Variants in NIPAL3 observed in about 807,000 individuals in gnomAD.
NIPAL3 encodes NIPA-like protein 3.
NIPAL3 carries 41 observed loss-of-function variants against 47.2 expected under a neutral mutation model. The observed-to-expected ratio is 0.87, with a 90% CI of 0.68 to 1.13. The LOEUF is 1.13. Among genes scored for constraint, NIPAL3 ranks in the 50% most tolerant of loss-of-function variants. NIPAL3 has a pLI of 0.00. For synonymous variants in NIPAL3, 194 were observed against 209.6 expected (o/e 0.93, Z 0.64); for missense variants, 449 against 530.1 (o/e 0.85, Z 1.50).
At position 24,472,934 on chromosome 1, in the gene NIPAL3, A is replaced by G. The variant is rs1330809296; in HGVS notation, c.*3749A>G. 6.6e-6 allele frequency: 1 copy of G among 152,190 alleles called. No individual in the cohort carries two copies. The highest frequency in any genetic ancestry group is 1.5e-5 in the Non-Finnish European group (1 of 68,036). 9.4% of individuals were successfully genotyped at this position (152,190 alleles called of 1,614,324 possible). A position where few individuals can be genotyped will look rare whatever the true frequency, so the allele number is the denominator to read the frequency against. ...AAAAAAAAAAAAGTACTAGGTGCAAATAACATTATGAAGTGGTATTTAATT... is the reference window on the plus strand; with the variant it reads ...AAAAAAAAAAAAGTACTAGGTGCAAGTAACATTATGAAGTGGTATTTAATT... On this transcript the variant is annotated 3_prime_UTR_variant, in exon 12 of 12. Transcript: ENST00000374399.
intron 11 of NIPAL3, chr1:24,466,355 G>C: frequency 3.8e-6 from 1 of 262,832 alleles, no homozygotes; most frequent in Non-Finnish European, 7.2e-6. Flanking sequence ...TACTCTGCTA[G>C]CCTGACTAAA....
intron 2 of NIPAL3, among the ~76,000 whole-genome samples, chr1:24,430,017 G>A (rs368215314): frequency 6.6e-6 from 1 of 152,164 alleles, no homozygotes; most frequent in Non-Finnish European, 1.5e-5. Flanking sequence ...AGCAAAAAAA[G>A]TATTAGAAAT....
At chr1:24,415,118 T>C (rs1357267190), upstream of NIPAL3, 1 of 152,226 alleles carries the variant, frequency 6.6e-6, no homozygotes. Flanking sequence ...AATGCGTGTA[T>C]ATGACAACGT....
At position 24,416,264 on chromosome 1, in the gene NIPAL3, C is replaced by T; in HGVS notation, c.-258+360C>T. 1 of 985,444 alleles carries T rather than the reference C, an allele frequency of 1.0e-6. No individual in the cohort carries two copies. Among genetic ancestry groups the T allele is most frequent in the Non-Finnish European group, 1.2e-6 (1 of 829,972 alleles). The allele number at this position is 985,444 out of a possible 1,614,324, so 61.0% of individuals were successfully genotyped here. ...TGAGGGGAGGCGTTCTTGGTCTAAG[C>T]CCGCTTCTGGAACAGAGGTGCTGTC... On this transcript the variant is annotated intron_variant, in intron 1 of 11. Coordinates refer to ENST00000374399, the MANE Select transcript of NIPAL3 (RefSeq NM_020448.5). This position sits in a 1 kb window ranked among gnomAD's most constrained non-coding sequence, Gnocchi z 4.8.
At chr1:24,414,642 C>T (rs1055427913), upstream of NIPAL3, 1 of 150,206 alleles carries the variant, frequency 6.7e-6, no homozygotes, top group Non-Finnish European at 1.5e-5. Context: ...TCAAGCGATC[C>T]TCCCGCCTCA....
chr1:24,416,230 C>T lies in NIPAL3; in HGVS notation c.-258+326C>T, dbSNP rs1557475842. ...TGGCGGCAGCAGATGGTGGAGTTAG[C>T]AGGTGGGATGAGGGGAGGCGTTCTT... On this transcript the variant is annotated intron_variant, in intron 1 of 11. Coordinates refer to ENST00000374399, the MANE Select transcript of NIPAL3 (RefSeq NM_020448.5). The surrounding 1 kb of genome is among the most constrained non-coding windows in gnomAD (Gnocchi z 4.8). The T allele has an allele frequency of 4.1e-6, 4 of 985,396 alleles. No homozygotes were observed. The South Asian group carries it at 1.9e-4, about 46-fold the overall frequency. 61.0% of individuals were successfully genotyped at this position (985,396 alleles called of 1,614,324 possible). A position where few individuals can be genotyped will look rare whatever the true frequency, so the allele number is the denominator to read the frequency against.
chr1:24,446,888 T>C (rs1645695816), intron 5 of NIPAL3, among the ~76,000 whole-genome samples: 1 of 151,920 alleles, frequency 6.6e-6, no homozygotes, highest in South Asian at 2.1e-4. Context: ...CACAAGGAGG[T>C]GATTTTTAAG....
intron 5 of NIPAL3, among the ~76,000 whole-genome samples, chr1:24,447,618 G>A (rs964526607): frequency 1.3e-5 from 2 of 152,152 alleles, no homozygotes; most frequent in African/African-American, 2.4e-5. Context: ...CTGCCAAGAA[G>A]ACCAAATGAC....
intron 2 of NIPAL3, among the ~76,000 whole-genome samples, chr1:24,428,196 C>T (rs1416940925): frequency 3.3e-5 from 5 of 150,604 alleles, no homozygotes; most frequent in African/African-American, 4.9e-5. Flanking sequence ...GCTGAGATCA[C>T]GTCACTGCAT....
rs548877801 is a variant in NIPAL3, at chr1:24,436,857, G to A, written c.94-3315G>A. ...TAGTTGTACATAGCAGGAAGAATAG[G>A]GAAAAGTACATCTACTCCATCTTCC... is the stretch of plus-strand genomic sequence containing the variant. On this transcript the variant is annotated intron_variant, in intron 2 of 11. Coordinates refer to ENST00000374399, the MANE Select transcript of NIPAL3 (RefSeq NM_020448.5). 8.5e-5 allele frequency among the ~76,000 whole-genome samples: 13 copies of A among 152,170 alleles called. No homozygotes were observed. In the South Asian group the frequency reaches 2.7e-3, roughly 32 times the overall value.
At position 24,449,564 on chromosome 1, in the gene NIPAL3, GA is replaced by G; in HGVS notation, c.479del (p.Glu160GlyfsTer3). 1 of 1,614,112 alleles carries G rather than the reference GA, an allele frequency of 6.2e-7. No homozygotes were observed. The highest frequency in any genetic ancestry group is 8.5e-7 in the Non-Finnish European group (1 of 1,180,022). ...GGTGACATTCGCACCCAACAGTCACGAGAAGATGACAGGCGAGAATGTCACC... is the reference window on the plus strand; with the variant it reads ...GGTGACATTCGCACCCAACAGTCACGGAAGATGACAGGCGAGAATGTCACC... ...LLVTFAPNSH[E>X]KMTGENVTRH... On this transcript the variant is annotated frameshift_variant, in exon 6 of 12. Transcript: ENST00000374399. LOFTEE classifies it high-confidence loss of function. This position sits in a 1 kb window ranked among gnomAD's most constrained non-coding sequence, Gnocchi z 4.5.
Position 24,440,173 on chromosome 1 carries a change from A to G in NIPAL3, c.95A>G (p.Glu32Gly), listed in dbSNP as rs766406791. The G allele has an allele frequency of 6.3e-7, 1 of 1,585,696 alleles. No homozygotes were observed. Among genetic ancestry groups the G allele is most frequent in the Non-Finnish European group, 8.6e-7 (1 of 1,166,632 alleles). ...CACTCCTGTGAACTTTCCTTACAGG[A>G]AAACCTGATTGGCGCCCTCTTGGCG... ...AVSEASFSYK[E>G]NLIGALLAIF... is the part of the protein sequence containing the mutation. The change falls in exon 3 of 12, where the codon GAA (glutamate) becomes GGA (glycine). Residue 32 changes from glutamate (E) to glycine (G), a missense_variant and splice_region_variant. Physicochemically the swap from Glu to Gly is moderately conservative, Grantham distance 98. Transcript: ENST00000374399.
intron 9 of NIPAL3, 100 bp downstream of exon 9, chr1:24,459,076 A>G (rs1271173077): frequency 3.0e-6 from 3 of 1,009,688 alleles, no homozygotes; most frequent in Non-Finnish European, 4.6e-6. Context: ...TTCTCCCCGT[A>G]GAGTGATTTA....
At chr1:24,468,838 T>C (rs1646805921) in intron 11 of NIPAL3, 148 bp from the exon 12 acceptor site, 1 of 720,048 alleles carries the variant, frequency 1.4e-6, no homozygotes, top group Non-Finnish European at 2.3e-6. Context: ...GTGGGTGTTC[T>C]CTTTTAAATC....
intron 5 of NIPAL3, among the ~76,000 whole-genome samples, chr1:24,447,380 A>G (rs1645719943): frequency 6.6e-6 from 1 of 152,228 alleles, no homozygotes; most frequent in African/African-American, 2.4e-5. Context: ...GGTACTCACT[A>G]TACAACTTTT....
chr1:24,452,552 G>A (rs1645987941), intron 6 of NIPAL3, among the ~76,000 whole-genome samples: 1 of 152,130 alleles, frequency 6.6e-6, no homozygotes, highest in Admixed American at 6.5e-5. Flanking sequence ...AAGGTTTAGA[G>A]AAGTTAAGTG....
At chr1:24,432,663 T>C (rs1049653985) in intron 2 of NIPAL3, among the ~76,000 whole-genome samples, 2 of 152,242 alleles carry the variant, frequency 1.3e-5, no homozygotes, top group Non-Finnish European at 2.9e-5. Context: ...TCTCTTATCC[T>C]CTGTGCCTCA....
At chr1:24,423,920 T>G (rs1468103716) in intron 2 of NIPAL3, among the ~76,000 whole-genome samples, 1 of 152,218 alleles carries the variant, frequency 6.6e-6, no homozygotes, top group East Asian at 1.9e-4. Context: ...GATTGGTTAG[T>G]TAGCATATGA....
At chr1:24,440,584 C>T (rs2148804894) in intron 3 of NIPAL3, among the ~76,000 whole-genome samples, 1 of 152,298 alleles carries the variant, frequency 6.6e-6, no homozygotes, top group South Asian at 2.1e-4. Flanking sequence ...CAGCACTGTT[C>T]ATTACTTAAA....
Sources: allele counts gnomAD v4.1 joint callset (sites outside exome capture counted in the v4.1 genomes callset), GRCh38; gene constraint gnomAD v4.1.1; non-coding constraint Gnocchi (gnomAD v3.1); transcripts MANE v1.5; gene names NCBI Gene and HGNC (gene_info 2026-07-23, HGNC 2026-07-21).